The following IQCM variants were observed in gnomAD, a reference collection of about 807,000 sequenced individuals.
IQCM encodes IQ motif containing M.
IQCM carries 45 observed loss-of-function variants against 57.6 expected under a neutral mutation model. That is an observed-to-expected ratio of 0.78 (90% CI 0.62 to 1.00). IQCM has a LOEUF of 1.00. Among genes scored for constraint, IQCM ranks in the 50% least tolerant of loss-of-function variants. The pLI is 0.00. For missense variants in IQCM, 468 were observed against 511.6 expected (o/e 0.91, Z 0.82); for synonymous variants, 148 against 158.9 (o/e 0.93, Z 0.51).
intron 9 of IQCM, among the ~76,000 whole-genome samples, chr4:149,574,626 G>A (rs574022219): frequency 6.6e-6 from 1 of 151,894 alleles, no homozygotes; most frequent in Non-Finnish European, 1.5e-5. Context: ...AATCATGTCC[G>A]AACATTACAC....
chr4:149,358,339 G>A (rs150017412), intron 13 of IQCM, among the ~76,000 whole-genome samples: 1 of 152,180 alleles, frequency 6.6e-6, no homozygotes, highest in African/African-American at 2.4e-5. Context: ...TGTGATGTTA[G>A]GGTGTCGATT....
chr4:149,468,864 G>C (rs561907743), intron 12 of IQCM, among the ~76,000 whole-genome samples: 2 of 152,128 alleles, frequency 1.3e-5, no homozygotes, highest in Non-Finnish European at 2.9e-5. Flanking sequence ...AGGCAAACAG[G>C]GTCGGAGTTC....
chr4:149,811,660 T>C (rs28493292), intron 2 of IQCM, among the ~76,000 whole-genome samples: 3,427 of 152,268 alleles, frequency 0.023, 100 homozygotes, highest in African/African-American at 0.068. Context: ...GCCTTTTGGA[T>C]GACAATAGTG....
At chr4:149,521,035 C>T (rs2149830977) in intron 12 of IQCM, among the ~76,000 whole-genome samples, 1 of 152,274 alleles carries the variant, frequency 6.6e-6, no homozygotes, top group Non-Finnish European at 1.5e-5. Context: ...CTAGCTAACC[C>T]ACTCTTTTCT....
intron 5 of IQCM, among the ~76,000 whole-genome samples, chr4:149,718,350 T>G (rs906256642): frequency 2.6e-5 from 4 of 152,100 alleles, no homozygotes; most frequent in Admixed American, 6.6e-5. Flanking sequence ...AGAAGAAAAG[T>G]AATGTCTGCT....
chr4:149,798,381 C>T (rs1312753214), intron 2 of IQCM, among the ~76,000 whole-genome samples: 1 of 151,910 alleles, frequency 6.6e-6, no homozygotes, highest in African/African-American at 2.4e-5. Context: ...TAAATTGTGT[C>T]ACCAGAGAAA....
At chr4:149,738,377 C>T (rs1767140915) in intron 3 of IQCM, among the ~76,000 whole-genome samples, 1 of 152,072 alleles carries the variant, frequency 6.6e-6, no homozygotes, top group South Asian at 2.1e-4. Context: ...TCGACTTCCC[C>T]CTTTGTAACT....
At chr4:149,781,729 A>G (rs1771622070) in intron 2 of IQCM, among the ~76,000 whole-genome samples, 1 of 152,172 alleles carries the variant, frequency 6.6e-6, no homozygotes, top group Admixed American at 6.5e-5. Context: ...TCCCCCTCAA[A>G]GGGAGACTAG....
At chr4:149,443,468 T>C (rs913095936) in intron 12 of IQCM, among the ~76,000 whole-genome samples, 3 of 151,994 alleles carry the variant, frequency 2.0e-5, no homozygotes, top group Admixed American at 6.6e-5. Flanking sequence ...AGAAAAATAC[T>C]TATAAAGTTC....
intron 10 of IQCM, among the ~76,000 whole-genome samples, chr4:149,558,730 G>A (rs1749826638): frequency 6.6e-6 from 1 of 152,116 alleles, no homozygotes; most frequent in South Asian, 2.1e-4. Flanking sequence ...GAAATATGAT[G>A]AGATTCATTG....
chr4:149,679,877 C>T (rs536915891), intron 7 of IQCM, among the ~76,000 whole-genome samples: 1 of 151,244 alleles, frequency 6.6e-6, no homozygotes, highest in South Asian at 2.1e-4. Context: ...AGACTATAGC[C>T]TTAACATGAA....
chr4:149,635,580 A>G (rs1757648813), intron 7 of IQCM, among the ~76,000 whole-genome samples: 1 of 152,226 alleles, frequency 6.6e-6, no homozygotes, highest in South Asian at 2.1e-4. Context: ...TCCAATTTTA[A>G]TTATGTATAT....
intron 12 of IQCM, among the ~76,000 whole-genome samples, chr4:149,473,934 T>C (rs564273859): frequency 1.2e-4 from 18 of 152,076 alleles, no homozygotes; most frequent in South Asian, 4.2e-4. Context: ...ATGAGAACAA[T>C]TGGACACAGG....
At chr4:149,384,525 A>G (rs1731285080) in intron 13 of IQCM, among the ~76,000 whole-genome samples, 1 of 152,064 alleles carries the variant, frequency 6.6e-6, no homozygotes. Flanking sequence ...TAGTTTTTCC[A>G]TATTTTTACC....
At chr4:149,594,769 A>T (rs913692205) in intron 8 of IQCM, among the ~76,000 whole-genome samples, 11 of 152,244 alleles carry the variant, frequency 7.2e-5, no homozygotes, top group African/African-American at 2.4e-4. Context: ...AGCGGTTTTG[A>T]GTGAGTTTCT....
At chr4:149,471,891 T>A (rs998536299) in intron 12 of IQCM, among the ~76,000 whole-genome samples, 1 of 152,176 alleles carries the variant, frequency 6.6e-6, no homozygotes, top group Non-Finnish European at 1.5e-5. Context: ...TCTCAATAGA[T>A]GCAGAAAAGG....
chr4:149,477,628 G>T (rs928856574), intron 12 of IQCM, among the ~76,000 whole-genome samples: 1 of 152,154 alleles, frequency 6.6e-6, no homozygotes, highest in African/African-American at 2.4e-5. Context: ...AATGGAGCAG[G>T]TATGTGTAAT....
At chr4:149,706,710 G>A (rs754364551) in intron 5 of IQCM, among the ~76,000 whole-genome samples, 16 of 152,020 alleles carry the variant, frequency 1.1e-4, no homozygotes, top group Admixed American at 3.3e-4. Flanking sequence ...ATGATGTAAC[G>A]TAGCATAATT....
chr4:149,716,430 G>C (rs1377420144), intron 5 of IQCM, among the ~76,000 whole-genome samples: 1 of 152,208 alleles, frequency 6.6e-6, no homozygotes, highest in African/African-American at 2.4e-5. Flanking sequence ...CTGAGCCTGT[G>C]GGGGCAGGTG....
Sources: allele counts gnomAD v4.1 joint callset (sites outside exome capture counted in the v4.1 genomes callset), GRCh38; gene constraint gnomAD v4.1.1; transcripts MANE v1.5; gene names NCBI Gene and HGNC (gene_info 2026-07-23, HGNC 2026-07-21).